The following CAMK1D variants were observed in gnomAD, a reference collection of about 807,000 sequenced individuals.
CAMK1D encodes the protein calcium/calmodulin dependent protein kinase ID, also known as calcium/calmodulin-dependent protein kinase type 1D.
In CAMK1D, 9 loss-of-function variants were observed where a neutral mutation model predicts 47.7. That is an observed-to-expected ratio of 0.19 (90% CI 0.11 to 0.33). The LOEUF (loss-of-function observed/expected upper bound fraction) is 0.33, where lower values mean the gene tolerates loss of function less well. CAMK1D is among the 10% of genes least tolerant of loss of function. CAMK1D has a pLI of 1.00. For synonymous variants in CAMK1D, 184 were observed against 184.9 expected, an observed-to-expected ratio of 0.99 and a Z score of 0.04; for missense variants, 291 against 488.7, an observed-to-expected ratio of 0.60 and a Z score of 3.81.
At chr10:12,530,576 C>T (rs1272007607) in intron 1 of CAMK1D, among the ~76,000 whole-genome samples, 1 of 152,134 alleles carries the variant, frequency 6.6e-6, no homozygotes, top group East Asian at 1.9e-4. Flanking sequence ...TACGAAAATC[C>T]TGTTATAGGA....
At chr10:12,471,389 C>G (rs1833742042) in intron 1 of CAMK1D, among the ~76,000 whole-genome samples, 1 of 152,200 alleles carries the variant, frequency 6.6e-6, no homozygotes, top group East Asian at 1.9e-4. Flanking sequence ...GCACCTCGTT[C>G]AAGGTGGTGA....
In CAMK1D at chr10:12,427,708, T is replaced by TG. The variant is rs1196765427; in HGVS notation, c.92+77798_92+77799insG. On this transcript the variant is annotated intron_variant, in intron 1 of 10. Transcript: ENST00000619168. The stretch of plus-strand genomic sequence containing the variant: ...GCTTCACTGAACTTACTGTTTTTTT[T>TG]TTTTTTTTTTTTTTTTTGAGACGGA... 2.3e-4 allele frequency among the ~76,000 whole-genome samples: 24 copies of TG among 106,402 alleles called. No homozygotes were observed. The East Asian group carries it at 4.9e-3, about 22-fold the overall frequency. The allele number at this position is 106,402 out of a possible 152,430, so 69.8% of individuals were successfully genotyped here.
intron 2 of CAMK1D, among the ~76,000 whole-genome samples, chr10:12,610,392 C>G (rs980984185): frequency 6.6e-6 from 1 of 152,190 alleles, no homozygotes; most frequent in Non-Finnish European, 1.5e-5. Context: ...CCCCTCCTTT[C>G]TCTGGGCACA....
At chr10:12,554,528 A>C (rs1836698484) in intron 2 of CAMK1D, among the ~76,000 whole-genome samples, 1 of 74,200 alleles carries the variant, frequency 1.3e-5, no homozygotes, top group African/African-American at 3.4e-5. Context: ...AATGGCACAC[A>C]TAGAACCATT....
At chr10:12,374,811 TGG>T in intron 1 of CAMK1D, among the ~76,000 whole-genome samples, 1 of 151,578 alleles carries the variant, frequency 6.6e-6, no homozygotes, top group South Asian at 2.1e-4. Context: ...GGTGTGGTGG[TGG>T]GCGCTTGTAA....
At chr10:12,647,785 G>A (rs1164720282) in intron 2 of CAMK1D, among the ~76,000 whole-genome samples, 3 of 152,196 alleles carry the variant, frequency 2.0e-5, no homozygotes, top group Admixed American at 2.0e-4. Context: ...TTGTGGGTGT[G>A]TGCTTACTCA....
chr10:12,408,113 C>G (rs1374224543), intron 1 of CAMK1D, among the ~76,000 whole-genome samples: 1 of 152,070 alleles, frequency 6.6e-6, no homozygotes, highest in Non-Finnish European at 1.5e-5. Flanking sequence ...CCACCTTGGC[C>G]TCCCAGAGTG....
At chr10:12,790,563 T>C (rs1037349754) in intron 5 of CAMK1D, among the ~76,000 whole-genome samples, 1 of 152,222 alleles carries the variant, frequency 6.6e-6, no homozygotes, top group Admixed American at 6.5e-5. Flanking sequence ...ATTATGTGTT[T>C]GTTGACTGAC....
chr10:12,426,243 A>AT (rs1287024906), intron 1 of CAMK1D, among the ~76,000 whole-genome samples: 1 of 151,902 alleles, frequency 6.6e-6, no homozygotes, highest in Non-Finnish European at 1.5e-5. Flanking sequence ...GTGAAGGGAT[A>AT]TTTTTTTCCT....
intron 1 of CAMK1D, among the ~76,000 whole-genome samples, chr10:12,539,033 C>T (rs1395284782): frequency 6.6e-6 from 1 of 152,186 alleles, no homozygotes; most frequent in East Asian, 1.9e-4. Context: ...TCCCAAAGTG[C>T]TGGGATTACA....
intron 3 of CAMK1D, among the ~76,000 whole-genome samples, chr10:12,706,932 G>A (rs145904936): frequency 2.6e-5 from 4 of 152,266 alleles, no homozygotes; most frequent in East Asian, 1.9e-4. Context: ...AGGGTGGGAC[G>A]TGCTAGAATA....
chr10:12,829,992 C>T lies in CAMK1D; in HGVS notation c.*1105C>T, dbSNP rs150031875. 1.9e-4 allele frequency: 29 copies of T among 152,260 alleles called. No individual in the cohort carries two copies. Among genetic ancestry groups the T allele is most frequent in the African/African-American group, 6.7e-4 (28 of 41,508 alleles). The allele number at this position is 152,260 out of a possible 1,614,324, so 9.4% of individuals were successfully genotyped here. On this transcript the variant is annotated 3_prime_UTR_variant, in exon 11 of 11. Transcript: ENST00000619168. Reference sequence around the variant, plus strand: ...TCAGCAACCAGAAATAAGCCTGCTCCCCCGAGACGCAGGGCTCAGCTTCAC... The same window carrying T: ...TCAGCAACCAGAAATAAGCCTGCTCTCCCGAGACGCAGGGCTCAGCTTCAC...
rs551903111 is a variant in CAMK1D, at chr10:12,744,384, C to G, written c.300-16564C>G. ...GTCATCCCATAATGCTATAGTTTCA[C>G]TTTTTGAGAAATTGTTAAACTGTTT... is the stretch of plus-strand genomic sequence containing the variant. On this transcript the variant is annotated intron_variant, in intron 3 of 10. Coordinates refer to ENST00000619168, the MANE Select transcript of CAMK1D (RefSeq NM_153498.4). Among the ~76,000 whole-genome samples, 9 of 152,282 alleles carry G rather than the reference C, an allele frequency of 5.9e-5. No homozygotes were observed. The South Asian group carries it at 1.9e-3, about 32-fold the overall frequency.
At chr10:12,363,632 T>A (rs1251602563) in intron 1 of CAMK1D, among the ~76,000 whole-genome samples, 1 of 151,806 alleles carries the variant, frequency 6.6e-6, no homozygotes, top group Non-Finnish European at 1.5e-5. Flanking sequence ...AGGCTATATA[T>A]GTTCAGTTCA....
chr10:12,579,258 A>C (rs188421550), intron 2 of CAMK1D, among the ~76,000 whole-genome samples: 1 of 152,320 alleles, frequency 6.6e-6, no homozygotes, highest in Admixed American at 6.5e-5. Flanking sequence ...CTGGGTCTGC[A>C]GTTACAGAGT....
intron 3 of CAMK1D, among the ~76,000 whole-genome samples, chr10:12,747,567 A>G (rs1008447521): frequency 4.9e-4 from 74 of 152,290 alleles, no homozygotes; most frequent in African/African-American, 1.6e-3. Context: ...GCTTCAAGCG[A>G]TCCTCCTGCC....
At chr10:12,798,731 A>T (rs1433074598) in intron 6 of CAMK1D, among the ~76,000 whole-genome samples, 1 of 152,218 alleles carries the variant, frequency 6.6e-6, no homozygotes, top group African/African-American at 2.4e-5. Flanking sequence ...ATAGTGTTTA[A>T]AATAGAGTTT....
At chr10:12,632,981 C>T (rs1003926392) in intron 2 of CAMK1D, among the ~76,000 whole-genome samples, 5 of 152,144 alleles carry the variant, frequency 3.3e-5, no homozygotes, top group Non-Finnish European at 7.4e-5. Context: ...GCCTGAGCCA[C>T]GGCGCCTGGC....
intron 2 of CAMK1D, among the ~76,000 whole-genome samples, chr10:12,578,176 G>GCGATCCTCT (rs1490826583): frequency 3.9e-5 from 6 of 152,074 alleles, no homozygotes; most frequent in Non-Finnish European, 7.4e-5. Context: ...CCGGGCCCAA[G>GCGATCCTCT]CGATCCTCTC....
Sources: gnomAD v4.1 joint callset for allele counts (sites outside exome capture counted in the v4.1 genomes callset) on GRCh38, gnomAD v4.1.1 for gene constraint, MANE v1.5 for transcripts, NCBI Gene and HGNC (gene_info 2026-07-23, HGNC 2026-07-21) for gene names.